LIPG: variants seen among roughly 807,000 people sequenced by gnomAD.
LIPG encodes the protein lipase G, endothelial type.
A neutral mutation model predicts 51.8 loss-of-function variants in LIPG; 34 were observed. That is an observed-to-expected ratio of 0.66 (90% CI 0.50 to 0.87). The LOEUF is 0.87. Ranked by LOEUF, LIPG falls within the 40% of genes least tolerant of loss-of-function variation. LIPG has a pLI of 0.00. For synonymous variants in LIPG, 246 were observed against 246.1 expected (o/e 1.00, Z 0.00); for missense variants, 580 against 652.7 (o/e 0.89, Z 1.21).
At chr18:49,572,135 C>T (rs2084670166) in intron 4 of LIPG, among the ~76,000 whole-genome samples, 1 of 152,072 alleles carries the variant, frequency 6.6e-6, no homozygotes, top group Non-Finnish European at 1.5e-5. Context: ...GCCTGGCCAA[C>T]ATGATGAAAC....
chr18:49,588,282 C>CTTTT (rs1231084858), intron 9 of LIPG, among the ~76,000 whole-genome samples: 2 of 132,758 alleles, frequency 1.5e-5, no homozygotes, highest in African/African-American at 5.6e-5. Flanking sequence ...CTCCCACACA[C>CTTTT]TTTTTTTTTT....
chr18:49,583,309 G>A (rs2084843668), intron 7 of LIPG, among the ~76,000 whole-genome samples: 1 of 152,138 alleles, frequency 6.6e-6, no homozygotes, highest in South Asian at 2.1e-4. Context: ...GGGTGGAGGG[G>A]GTGCCCAGGA....
intron 7 of LIPG, among the ~76,000 whole-genome samples, chr18:49,582,717 A>G (rs985273019): frequency 4.6e-5 from 7 of 152,236 alleles, no homozygotes; most frequent in Admixed American, 3.3e-4. Flanking sequence ...AATCGGCATC[A>G]TGAGAAGCTG....
chr18:49,583,425 G>T, intron 7 of LIPG, 131 bp from the exon 8 acceptor site: 1 of 754,836 alleles, frequency 1.3e-6, no homozygotes. Flanking sequence ...TAGAGGGATA[G>T]AGGTGGGGAA....
At position 49,575,380 on chromosome 18, in the gene LIPG, G is replaced by A; in HGVS notation, c.583G>A (p.Ala195Thr). 6.2e-7 allele frequency: 1 copy of A among 1,612,574 alleles called. No homozygotes were observed. Among genetic ancestry groups the A allele is most frequent in the South Asian group, 1.1e-5 (1 of 91,004 alleles). ...TVGRITGLDP[A>T]GPMFEGADIH... ...TCCTTCTGCTGCAGGTTTGGATCCT[G>A]CCGGGCCCATGTTTGAAGGGGCCGA... The change falls in exon 5 of 10, where the codon GCC becomes ACC. Residue 195 changes from alanine (A) to threonine (T), a missense_variant. Ala to Thr is a moderately conservative substitution (Grantham distance 58). Coordinates refer to ENST00000261292, the MANE Select transcript of LIPG (RefSeq NM_006033.4).
chr18:49,561,851 G>A (rs1001305107), upstream of LIPG: 10 of 1,264,372 alleles, frequency 7.9e-6, no homozygotes, highest in African/African-American at 9.2e-5. Flanking sequence ...TGCGGAGCGG[G>A]CCCGGGAGGA....
At chr18:49,587,568 CAAAAAAAA>C (rs34734805) in intron 9 of LIPG, among the ~76,000 whole-genome samples, 2 of 42,310 alleles carry the variant, frequency 4.7e-5, no homozygotes, top group African/African-American at 7.9e-5. Flanking sequence ...GACTCCGTCT[CAAAAAAAA>C]AAAAAAAAAA....
Position 49,590,999 on chromosome 18 carries a change from G to A in LIPG, c.*477G>A, listed in dbSNP as rs1293343256. The A allele has an allele frequency of 7.7e-6, 2 of 258,180 alleles. No individual in the cohort carries two copies. The highest frequency in any genetic ancestry group is 1.5e-5 in the Non-Finnish European group (2 of 130,528). The allele number at this position is 258,180 out of a possible 1,614,324, so 16.0% of individuals were successfully genotyped here. On this transcript the variant is annotated 3_prime_UTR_variant, in exon 10 of 10. Transcript: ENST00000261292. ...ATGGCAGGCCTGGTATCTTGCTCGG[G>A]CCCTAGCTGTTGGGGTTCTCATGGG...
rs889057386 is a variant in LIPG, at chr18:49,562,531, C to T, written c.97+126C>T. On this transcript the variant is annotated intron_variant, in intron 1 of 9. Transcript: ENST00000261292. ...CCTTTCCCACTGCGCTGCCCATTCT[C>T]TCCTCCAATCCACCTTGGAGTCCAC... 19 of 841,824 alleles carry T rather than the reference C, an allele frequency of 2.3e-5. No homozygotes were observed. In the African/African-American group the frequency reaches 2.7e-4, roughly 12 times the overall value. The allele number at this position is 841,824 out of a possible 1,614,324, so 52.1% of individuals were successfully genotyped here.
Position 49,568,170 on chromosome 18 carries a change from C to A in LIPG, c.459+549C>A, listed in dbSNP as rs2084627065. On this transcript the variant is annotated intron_variant, in intron 3 of 9. Transcript: ENST00000261292. The stretch of plus-strand genomic sequence containing the variant: ...TCAGCCTCCCGAGTAACTGAAACTA[C>A]AGGCCTGTGTCACCATGCCCAGCTA... Among the ~76,000 whole-genome samples the A allele has an allele frequency of 2.0e-5, 3 of 152,084 alleles. No individual in the cohort carries two copies. In the South Asian group the frequency reaches 6.2e-4, roughly 31 times the overall value.
At position 49,582,630 on chromosome 18, in the gene LIPG, T is replaced by C. The variant is rs969852169; in HGVS notation, c.1157+148T>C. ...GAGGAGCCAGGTGGTCTAGCTGGCC[T>C]CTGCAGTCCTCTCTCCCACTGCACC... On this transcript the variant is annotated intron_variant, in intron 7 of 9. Coordinates refer to ENST00000261292, the MANE Select transcript of LIPG (RefSeq NM_006033.4). 1.0e-5 allele frequency: 10 copies of C among 963,200 alleles called. No individual in the cohort carries two copies. The African/African-American group carries it at 1.3e-4, about 12-fold the overall frequency. The allele number at this position is 963,200 out of a possible 1,614,324, so 59.7% of individuals were successfully genotyped here.
chr18:49,590,373 T>G, intron 9 of LIPG, 128 bp from the exon 10 acceptor site: 2 of 946,796 alleles, frequency 2.1e-6, no homozygotes, highest in Admixed American at 4.0e-5. Context: ...AAGGAATACA[T>G]GTAAAATAGT....
rs1171366329 is a variant in LIPG at position 49,591,714 on chromosome 18, T to A, written c.*1192T>A. On this transcript the variant is annotated 3_prime_UTR_variant, in exon 10 of 10. Coordinates refer to ENST00000261292, the MANE Select transcript of LIPG (RefSeq NM_006033.4). Reference sequence around the variant, plus strand: ...TCTTGATTTGAATTAATACACACAATATCTGAGACACTTACACTTTTCAAA... The same window carrying A: ...TCTTGATTTGAATTAATACACACAAAATCTGAGACACTTACACTTTTCAAA... The A allele has an allele frequency of 6.6e-6, 1 of 152,204 alleles. No homozygotes were observed. Among genetic ancestry groups the A allele is most frequent in the Non-Finnish European group, 1.5e-5 (1 of 68,034 alleles). The allele number at this position is 152,204 out of a possible 1,614,324, so 9.4% of individuals were successfully genotyped here.
chr18:49,569,305 G>T (rs41386050), intron 3 of LIPG, 132 bp from the exon 4 acceptor site: 18,712 of 780,298 alleles, frequency 0.024, 314 homozygotes, highest in Non-Finnish European at 0.034. Flanking sequence ...AAGCCAGTGG[G>T]GCCCTGGGGA....
rs2084830163 is a variant in LIPG at position 49,582,447 on chromosome 18, C to A, written c.1122C>A (p.Gly374=). 1.2e-6 allele frequency: 2 copies of A among 1,614,098 alleles called. No homozygotes were observed. Among genetic ancestry groups the A allele is most frequent in the Admixed American group, 1.7e-5 (1 of 60,002 alleles). Residue 374 remains glycine, a synonymous_variant, in exon 7 of 10, where the codon GGC becomes GGA. Transcript: ENST00000261292. The part of the protein sequence containing the change: ...IEPTFYVTLY[G]TNADSQTLPL... ...CCACCTTTTACGTCACCCTTTATGG[C>A]ACTAATGCAGATTCCCAGACTCTGC...
chr18:49,587,913 T>A (rs554846316), intron 9 of LIPG, among the ~76,000 whole-genome samples: 14 of 152,244 alleles, frequency 9.2e-5, no homozygotes, highest in African/African-American at 2.9e-4. Flanking sequence ...CTTTGCCTCC[T>A]GTATAGCTGG....
chr18:49,593,725 G>A lies in LIPG; in HGVS notation c.*3203G>A, dbSNP rs970859401. ...AGCCAGAAAAGGGAAGGGATGAACA[G>A]TCTCCTCTTAAAGACATGACTGAGA... On this transcript the variant is annotated 3_prime_UTR_variant, in exon 10 of 10. Transcript: ENST00000261292. 1.3e-5 allele frequency: 2 copies of A among 152,230 alleles called. No homozygotes were observed. The highest frequency in any genetic ancestry group is 4.8e-5 in the African/African-American group (2 of 41,464). The allele number at this position is 152,230 out of a possible 1,614,324, so 9.4% of individuals were successfully genotyped here. A position where few individuals can be genotyped will look rare whatever the true frequency, so the allele number is the denominator to read the frequency against.
chr18:49,572,949 C>G (rs1190391874), intron 4 of LIPG, among the ~76,000 whole-genome samples: 1 of 152,064 alleles, frequency 6.6e-6, no homozygotes, highest in Non-Finnish European at 1.5e-5. Flanking sequence ...GTCATTCATC[C>G]CTAGTTAAAA....
chr18:49,565,296 C>A, intron 1 of LIPG, 21 bp from the exon 2 acceptor site: 1 of 1,612,902 alleles, frequency 6.2e-7, no homozygotes, highest in South Asian at 1.1e-5. Flanking sequence ...GATGCACCCA[C>A]GCTCTGTTCT....
Sources: gnomAD v4.1 joint callset for allele counts (sites outside exome capture counted in the v4.1 genomes callset) on GRCh38, gnomAD v4.1.1 for gene constraint, MANE v1.5 for transcripts, NCBI Gene and HGNC (gene_info 2026-07-23, HGNC 2026-07-21) for gene names.